The following EXOC6B variants were observed in gnomAD, a reference collection of about 807,000 sequenced individuals.
The protein encoded by EXOC6B is SEC15 homolog B.
Under a neutral mutation model 113.5 loss-of-function variants are expected in EXOC6B, and 54 were observed. The ratio of observed to expected loss-of-function variants is 0.48; its 90% confidence interval spans 0.38 to 0.60. The LOEUF (loss-of-function observed/expected upper bound fraction) is 0.60, where lower values mean the gene tolerates loss of function less well. Among genes scored for constraint, EXOC6B ranks in the 20% least tolerant of loss-of-function variants. EXOC6B has a pLI of 0.00. For synonymous variants in EXOC6B, 357 were observed against 339.0 expected, an observed-to-expected ratio of 1.05 and a Z score of -0.58; for missense variants, 797 against 977.5, an observed-to-expected ratio of 0.82 and a Z score of 2.46.
At chr2:72,352,786 T>C (rs1020457955) in intron 19 of EXOC6B, among the ~76,000 whole-genome samples, 1 of 151,578 alleles carries the variant, frequency 6.6e-6, no homozygotes, top group Middle Eastern at 3.2e-3. Context: ...AGTAGATGGA[T>C]TAAAATGTTA....
intron 18 of EXOC6B, among the ~76,000 whole-genome samples, chr2:72,386,882 A>G (rs1692059550): frequency 6.6e-6 from 1 of 152,174 alleles, no homozygotes. Flanking sequence ...TTTTAAAAAT[A>G]ATTTTACATT....
intron 1 of EXOC6B, among the ~76,000 whole-genome samples, chr2:72,757,245 C>T (rs1185350695): frequency 6.6e-6 from 1 of 152,096 alleles, no homozygotes; most frequent in Non-Finnish European, 1.5e-5. Flanking sequence ...AAAATAAATG[C>T]TTAAAACAAT....
chr2:72,303,490 C>T (rs1686656246), intron 20 of EXOC6B, among the ~76,000 whole-genome samples: 1 of 152,010 alleles, frequency 6.6e-6, no homozygotes, highest in Admixed American at 6.6e-5. Flanking sequence ...GCCAGTCTTC[C>T]AGTTCCAAGA....
At chr2:72,654,603 AT>A (rs1311678641) in intron 6 of EXOC6B, among the ~76,000 whole-genome samples, 8 of 152,220 alleles carry the variant, frequency 5.3e-5, no homozygotes, top group African/African-American at 1.7e-4. Context: ...TATGGATTGT[AT>A]GTGAAATGCT....
At chr2:72,591,956 G>A (rs182053466) in intron 6 of EXOC6B, among the ~76,000 whole-genome samples, 11 of 151,974 alleles carry the variant, frequency 7.2e-5, no homozygotes, top group African/African-American at 2.7e-4. Flanking sequence ...TAAAAACCAT[G>A]TATTGAAAGA....
intron 20 of EXOC6B, among the ~76,000 whole-genome samples, chr2:72,241,831 C>T (rs1682328085): frequency 6.6e-6 from 1 of 152,112 alleles, no homozygotes; most frequent in Non-Finnish European, 1.5e-5. Context: ...GAAATTTGTG[C>T]TGGTAGACCT....
chr2:72,425,339 A>G (rs1234976943), intron 18 of EXOC6B, among the ~76,000 whole-genome samples: 4 of 152,222 alleles, frequency 2.6e-5, no homozygotes, highest in African/African-American at 7.2e-5. Context: ...GTCATTAACT[A>G]TAAGATGCTT....
chr2:72,684,680 T>G (rs1398024265), intron 6 of EXOC6B, among the ~76,000 whole-genome samples: 2 of 152,176 alleles, frequency 1.3e-5, no homozygotes, highest in Non-Finnish European at 2.9e-5. Flanking sequence ...CATCTCAAAA[T>G]TATCATGCTG....
chr2:72,772,569 T>A (rs2104952070), intron 1 of EXOC6B, among the ~76,000 whole-genome samples: 1 of 152,240 alleles, frequency 6.6e-6, no homozygotes. Context: ...CCCAACCCAG[T>A]AGATCCTTTT....
At chr2:72,419,383 A>T (rs1393771053) in intron 18 of EXOC6B, among the ~76,000 whole-genome samples, 1 of 152,172 alleles carries the variant, frequency 6.6e-6, no homozygotes, top group African/African-American at 2.4e-5. Context: ...CCACGTATTT[A>T]CTGTTGCTCA....
At chr2:72,659,573 T>C (rs1234438694) in intron 6 of EXOC6B, among the ~76,000 whole-genome samples, 1 of 152,164 alleles carries the variant, frequency 6.6e-6, no homozygotes, top group East Asian at 1.9e-4. Context: ...TTTGTTGTTG[T>C]TGTTTGTTTT....
At chr2:72,480,201 T>G (rs1054708287) in intron 17 of EXOC6B, among the ~76,000 whole-genome samples, 7 of 137,236 alleles carry the variant, frequency 5.1e-5, no homozygotes, top group African/African-American at 2.4e-4. Flanking sequence ...AAGATTTGAT[T>G]TAAAAAAAAA....
intron 18 of EXOC6B, among the ~76,000 whole-genome samples, chr2:72,380,181 G>A (rs553294325): frequency 6.6e-6 from 1 of 152,152 alleles, no homozygotes; most frequent in African/African-American, 2.4e-5. Context: ...TAAGTAAAGT[G>A]AGAAACAATA....
intron 1 of EXOC6B, among the ~76,000 whole-genome samples, chr2:72,763,309 C>T (rs151075844): frequency 9.2e-5 from 14 of 152,038 alleles, no homozygotes; most frequent in African/African-American, 3.4e-4. Context: ...GTTGTCATTC[C>T]TTTGTATAGT....
intron 6 of EXOC6B, among the ~76,000 whole-genome samples, chr2:72,612,566 G>A (rs866024448): frequency 6.6e-6 from 1 of 151,990 alleles, no homozygotes; most frequent in South Asian, 2.1e-4. Flanking sequence ...TCTTCAAAAG[G>A]GGAAAGACAA....
At position 72,449,504 on chromosome 2, in the gene EXOC6B, C is replaced by T. The variant is rs550213380; in HGVS notation, c.1980+15656G>A. ...CAATTTTTTTTTTTTTTTTGCATTG[C>T]AGTTATGCAATAATAAAATTATAAT... On this transcript the variant is annotated intron_variant, in intron 18 of 21. Coordinates refer to ENST00000272427, the MANE Select transcript of EXOC6B (RefSeq NM_015189.3). Among the ~76,000 whole-genome samples, 14 of 148,576 alleles carry T rather than the reference C, an allele frequency of 9.4e-5. No individual in the cohort carries two copies. The South Asian group carries it at 3.0e-3, about 32-fold the overall frequency.
At chr2:72,382,506 G>A (rs1395793725) in intron 18 of EXOC6B, among the ~76,000 whole-genome samples, 1 of 152,144 alleles carries the variant, frequency 6.6e-6, no homozygotes, top group Non-Finnish European at 1.5e-5. Flanking sequence ...GATTGCCTTG[G>A]CTATTCGGGG....
chr2:72,291,171 A>G (rs1297562278), intron 20 of EXOC6B, among the ~76,000 whole-genome samples: 2 of 152,174 alleles, frequency 1.3e-5, no homozygotes, highest in Admixed American at 1.3e-4. Context: ...GACCGAGGAT[A>G]TATTTTTAGT....
chr2:72,475,037 A>T (rs1698648606), intron 17 of EXOC6B, among the ~76,000 whole-genome samples: 1 of 152,104 alleles, frequency 6.6e-6, no homozygotes, highest in African/African-American at 2.4e-5. Flanking sequence ...GGTATCTATA[A>T]TTTCTTCAGT....
Sources: allele counts gnomAD v4.1 joint callset (sites outside exome capture counted in the v4.1 genomes callset), GRCh38; gene constraint gnomAD v4.1.1; transcripts MANE v1.5; gene names NCBI Gene and HGNC (gene_info 2026-07-23, HGNC 2026-07-21).